The following MTA3 variants were observed in gnomAD, a reference collection of about 807,000 sequenced individuals.
MTA3 encodes the protein metastasis-associated protein MTA3.
Under a neutral mutation model 83.5 loss-of-function variants are expected in MTA3, and 34 were observed. The observed-to-expected ratio is 0.41, with a 90% CI of 0.31 to 0.54. The LOEUF (loss-of-function observed/expected upper bound fraction) is 0.54. Ranked by LOEUF, MTA3 falls within the 20% of genes least tolerant of loss-of-function variation. The pLI is 0.33. For synonymous variants in MTA3, 303 were observed against 252.7 expected, an observed-to-expected ratio of 1.20 and a Z score of -1.89; for missense variants, 761 against 726.4, an observed-to-expected ratio of 1.05 and a Z score of -0.55.
chr2:42,629,337 C>T (rs1170158151), intron 4 of MTA3, among the ~76,000 whole-genome samples: 1 of 152,108 alleles, frequency 6.6e-6, no homozygotes, highest in Non-Finnish European at 1.5e-5. Context: ...CCTCGGCCTC[C>T]CAAAGTGCTG....
chr2:42,755,952 G>T lies in MTA3; in HGVS notation c.*2553G>T. The stretch of plus-strand genomic sequence containing the variant: ...GGAGGGCCGACTGGAGGGTGTCGCC[G>T]GAAGGTTTCAGCCTGCCCTTCACAA... On this transcript the variant is annotated 3_prime_UTR_variant, in exon 17 of 17. Coordinates refer to ENST00000405094, the MANE Select transcript of MTA3 (RefSeq NM_001330442.2). 1.0e-6 allele frequency: 1 copy of T among 985,500 alleles called. No homozygotes were observed. Among genetic ancestry groups the T allele is most frequent in the Non-Finnish European group, 1.2e-6 (1 of 830,000 alleles). The allele number at this position is 985,500 out of a possible 1,614,324, so 61.0% of individuals were successfully genotyped here.
chr2:42,695,233 A>G (rs1304283680), intron 9 of MTA3, among the ~76,000 whole-genome samples: 1 of 152,208 alleles, frequency 6.6e-6, no homozygotes, highest in African/African-American at 2.4e-5. Flanking sequence ...TTCCATACTG[A>G]ATATGACTTG....
At chr2:42,699,326 C>G (rs541004565) in intron 11 of MTA3, among the ~76,000 whole-genome samples, 5 of 152,138 alleles carry the variant, frequency 3.3e-5, no homozygotes, top group South Asian at 2.1e-4. Flanking sequence ...CTCAGCCCCC[C>G]AGGTAGCTGG....
intron 4 of MTA3, among the ~76,000 whole-genome samples, chr2:42,610,931 G>T: frequency 6.6e-6 from 1 of 150,610 alleles, no homozygotes; most frequent in East Asian, 1.9e-4. Context: ...GGTCATAATG[G>T]TCCTTAAAAA....
chr2:42,618,461 A>G (rs1685169865), intron 4 of MTA3, among the ~76,000 whole-genome samples: 1 of 152,188 alleles, frequency 6.6e-6, no homozygotes, highest in Non-Finnish European at 1.5e-5. Flanking sequence ...TAAAAATTTT[A>G]AATAAACTTA....
intron 4 of MTA3, among the ~76,000 whole-genome samples, chr2:42,610,263 G>C (rs1344513759): frequency 6.6e-6 from 1 of 152,172 alleles, no homozygotes; most frequent in East Asian, 1.9e-4. Flanking sequence ...AGAAGCCAAA[G>C]GTTAGAACCT....
chr2:42,538,899 C>T (rs944964268), intron 2 of MTA3, among the ~76,000 whole-genome samples: 1 of 149,398 alleles, frequency 6.7e-6, no homozygotes, highest in Admixed American at 6.7e-5. Flanking sequence ...CTCAGCCTCC[C>T]GAGTAGCTGG....
At chr2:42,583,122 A>G (rs1294994441) in intron 3 of MTA3, among the ~76,000 whole-genome samples, 1 of 152,188 alleles carries the variant, frequency 6.6e-6, no homozygotes, top group Non-Finnish European at 1.5e-5. Context: ...GGATTATGAC[A>G]TAAGGAACAA....
chr2:42,605,208 G>C lies in MTA3; in HGVS notation c.191-4250G>C, dbSNP rs1222467610. On this transcript the variant is annotated intron_variant, in intron 3 of 16. Transcript: ENST00000405094. ...CCCGGACGGGGCGGCTGGCCGGGCG[G>C]GGGGGCTGACCCCCCCCACCTCCCT... Among the ~76,000 whole-genome samples the C allele has an allele frequency of 4.3e-5, 5 of 117,124 alleles. No individual in the cohort carries two copies. In the East Asian group the frequency reaches 8.4e-4, roughly 20 times the overall value. 76.8% of individuals were successfully genotyped at this position (117,124 alleles called of 152,430 possible).
chr2:42,611,341 C>CACACACACACACACA (rs1462110821), intron 4 of MTA3, among the ~76,000 whole-genome samples: 5,613 of 149,570 alleles, frequency 0.038, 174 homozygotes, highest in African/African-American at 0.089. Flanking sequence ...ACACACACAC[C>CACACACACACACACA]CCCTCACACA....
intron 2 of MTA3, among the ~76,000 whole-genome samples, chr2:42,498,153 C>T (rs1166298698): frequency 6.6e-6 from 1 of 152,196 alleles, no homozygotes; most frequent in African/African-American, 2.4e-5. Flanking sequence ...AAGCCCTTGC[C>T]CTGCTGTTAA....
chr2:42,647,246 C>A (rs1472497767), intron 6 of MTA3, among the ~76,000 whole-genome samples: 5 of 151,094 alleles, frequency 3.3e-5, no homozygotes. Flanking sequence ...TTTTTAGAGA[C>A]AGAGTCTCGC....
At chr2:42,643,045 CCTT>C (rs1392347214) in intron 5 of MTA3, among the ~76,000 whole-genome samples, 12 of 107,054 alleles carry the variant, frequency 1.1e-4, no homozygotes, top group African/African-American at 3.9e-4. Flanking sequence ...CCCCCCCCCC[CCTT>C]TTTTTTTTAA....
intron 8 of MTA3, among the ~76,000 whole-genome samples, chr2:42,677,407 A>C (rs565480799): frequency 4.6e-5 from 7 of 152,108 alleles, no homozygotes; most frequent in African/African-American, 1.7e-4. Context: ...CAGTGGCGCA[A>C]TCTTGGCTCA....
intron 3 of MTA3, among the ~76,000 whole-genome samples, chr2:42,598,063 ATTTCT>A (rs901556293): frequency 2.0e-5 from 3 of 149,398 alleles, no homozygotes; most frequent in African/African-American, 4.9e-5. Context: ...TACTATTTTT[ATTTCT>A]TTTCTTTTCT....
intron 2 of MTA3, chr2:42,511,793 C>G (rs573760179): frequency 6.6e-6 from 1 of 152,102 alleles, no homozygotes; most frequent in African/African-American, 2.4e-5. Context: ...CTAAGGCGGG[C>G]GGATCACAAC....
chr2:42,607,195 G>T (rs947232249), intron 3 of MTA3, among the ~76,000 whole-genome samples: 1 of 152,026 alleles, frequency 6.6e-6, no homozygotes, highest in Non-Finnish European at 1.5e-5. Context: ...TGGATACAAA[G>T]ATAAGTGACC....
intron 8 of MTA3, among the ~76,000 whole-genome samples, chr2:42,667,695 C>T (rs1400123956): frequency 1.3e-4 from 19 of 150,770 alleles, no homozygotes; most frequent in Admixed American, 7.3e-4. Context: ...AATGCAGTGG[C>T]GTGATCATAG....
chr2:42,562,082 A>G (rs1677699165), intron 2 of MTA3, among the ~76,000 whole-genome samples: 1 of 152,142 alleles, frequency 6.6e-6, no homozygotes. Flanking sequence ...TTGTAGCTGC[A>G]TAAGTCCCAT....
Sources: gnomAD v4.1 joint callset for allele counts (sites outside exome capture counted in the v4.1 genomes callset) on GRCh38, gnomAD v4.1.1 for gene constraint, MANE v1.5 for transcripts, NCBI Gene and HGNC (gene_info 2026-07-23, HGNC 2026-07-21) for gene names.